SLC14A2: variants seen among roughly 807,000 people sequenced by gnomAD.
SLC14A2 encodes the protein urea transporter 2.
SLC14A2 carries 91 observed loss-of-function variants against 104.6 expected under a neutral mutation model. The observed-to-expected ratio is 0.87, with a 90% CI of 0.73 to 1.04. SLC14A2 has a LOEUF of 1.04. Ranked by LOEUF, SLC14A2 falls within the 50% of genes least tolerant of loss-of-function variation. The probability of loss-of-function intolerance (pLI) is 0.00; values close to 1 mark genes in which losing one functional copy is unlikely to be tolerated. For missense variants in SLC14A2, 1,189 were observed against 1,156.0 expected (o/e 1.03, Z -0.41); for synonymous variants, 476 against 466.4 (o/e 1.02, Z -0.27).
upstream of SLC14A2, among the ~76,000 whole-genome samples, chr18:45,208,965 G>A (rs1435485892): frequency 1.3e-5 from 2 of 150,484 alleles, no homozygotes; most frequent in Non-Finnish European, 3.0e-5. Flanking sequence ...GAATCATTTT[G>A]AGATGTATGA....
upstream of SLC14A2, among the ~76,000 whole-genome samples, chr18:45,612,154 A>G (rs569182604): frequency 1.3e-5 from 2 of 152,360 alleles, no homozygotes; most frequent in South Asian, 4.1e-4. Context: ...GCTCTCAAGC[A>G]GTTGCTGCTG....
intron 2 of SLC14A2, among the ~76,000 whole-genome samples, chr18:45,584,558 A>T (rs2044541346): frequency 6.6e-6 from 1 of 152,226 alleles, no homozygotes; most frequent in Non-Finnish European, 1.5e-5. Flanking sequence ...TTCAGAAGCT[A>T]AATATGAATG....
chr18:45,584,936 A>G (rs1035963816), intron 2 of SLC14A2, among the ~76,000 whole-genome samples: 1 of 152,234 alleles, frequency 6.6e-6, no homozygotes, highest in Non-Finnish European at 1.5e-5. Context: ...ATAGGAAAAC[A>G]TGAGTTCTTT....
intron 1 of SLC14A2, among the ~76,000 whole-genome samples, chr18:45,321,130 A>C (rs778210854): frequency 6.6e-6 from 1 of 152,218 alleles, no homozygotes; most frequent in Non-Finnish European, 1.5e-5. Flanking sequence ...GATCGACTGC[A>C]TCCCAATCAT....
In SLC14A2 at chr18:45,661,109, G is replaced by A. The variant is rs73956507; in HGVS notation, c.1352-2676G>A. ...TAGCACAGAATCTGGGCTGCTAACT[G>A]TGAAGAATCAGGGAGTGGAGGCTGA... On this transcript the variant is annotated intron_variant, in intron 10 of 19. Transcript: ENST00000255226. 3.6e-3 allele frequency among the ~76,000 whole-genome samples: 541 copies of A among 152,294 alleles called. 3 individuals are homozygous for A. Among genetic ancestry groups the A allele is most frequent in the African/African-American group, 0.013 (526 of 41,544 alleles).
At chr18:45,213,108 A>G (rs1406237471) in exon 1 of SLC14A2, 1 of 152,174 alleles carries the variant, frequency 6.6e-6, no homozygotes, top group Non-Finnish European at 1.5e-5. Flanking sequence ...AACATATCTC[A>G]TTGAAGTATT....
intron 1 of SLC14A2, among the ~76,000 whole-genome samples, chr18:45,242,311 C>T (rs1380055942): frequency 2.0e-5 from 3 of 152,132 alleles, no homozygotes; most frequent in Non-Finnish European, 2.9e-5. Flanking sequence ...GTAACTTATG[C>T]ACCTCAAATG....
At chr18:45,281,536 A>G (rs1047311725) in intron 1 of SLC14A2, among the ~76,000 whole-genome samples, 8 of 152,240 alleles carry the variant, frequency 5.3e-5, no homozygotes, top group African/African-American at 1.4e-4. Context: ...TTGTTTCTTC[A>G]GGCTCTTTCC....
chr18:45,506,596 G>T (rs930152643), intron 2 of SLC14A2, among the ~76,000 whole-genome samples: 11 of 152,320 alleles, frequency 7.2e-5, no homozygotes, highest in Admixed American at 5.9e-4. Flanking sequence ...GGCATGTGAA[G>T]ACAGGCAGAA....
intron 2 of SLC14A2, among the ~76,000 whole-genome samples, chr18:45,561,374 G>A (rs1243517821): frequency 1.3e-5 from 2 of 152,180 alleles, no homozygotes; most frequent in Non-Finnish European, 1.5e-5. Context: ...CTCTGCAAGA[G>A]AGTGACAGCA....
chr18:45,534,006 A>G (rs1304480665), intron 2 of SLC14A2, among the ~76,000 whole-genome samples: 4 of 152,216 alleles, frequency 2.6e-5, no homozygotes, highest in Non-Finnish European at 5.9e-5. Flanking sequence ...CAAACAAACA[A>G]ACAAAAAACC....
chr18:45,551,272 G>A (rs943087912), intron 2 of SLC14A2, among the ~76,000 whole-genome samples: 1 of 152,118 alleles, frequency 6.6e-6, no homozygotes, highest in African/African-American at 2.4e-5. Flanking sequence ...GGAACTGGGC[G>A]GTGTGATGGC....
chr18:45,301,606 G>C (rs1163236016), intron 1 of SLC14A2, among the ~76,000 whole-genome samples: 1 of 152,200 alleles, frequency 6.6e-6, no homozygotes, highest in Non-Finnish European at 1.5e-5. Flanking sequence ...ATTTGGCTTA[G>C]AGAATTTGTG....
rs148492694 is a variant in SLC14A2 at position 45,641,283 on chromosome 18, G to A, written c.1066G>A (p.Ala356Thr). Residue 356 changes from alanine to threonine, a missense_variant, in exon 8 of 20, where the codon GCC becomes ACC. Coordinates refer to ENST00000255226, the MANE Select transcript of SLC14A2 (RefSeq NM_007163.4). ...CTACAACTGCGTCCTCTCCTGCATC[G>A]CCATCGGAGGCATGTTCTATGCCCT... ...WSYNCVLSCIAIGGMFYALTW... is the reference protein window; with the variant it reads ...WSYNCVLSCITIGGMFYALTW... 46 of 1,613,986 alleles carry A rather than the reference G, an allele frequency of 2.9e-5. No individual in the cohort carries two copies. The highest frequency in any genetic ancestry group is 3.8e-5 in the Non-Finnish European group (45 of 1,180,018).
At chr18:45,648,195 C>CTTTTTTT (rs59843067) in intron 10 of SLC14A2, among the ~76,000 whole-genome samples, 8 of 101,244 alleles carry the variant, frequency 7.9e-5, no homozygotes, top group African/African-American at 1.5e-4. Context: ...CTAGTTAATG[C>CTTTTTTT]TTTTTTTTTT....
chr18:45,229,540 T>C (rs2084154131), intron 1 of SLC14A2, among the ~76,000 whole-genome samples: 1 of 152,182 alleles, frequency 6.6e-6, no homozygotes, highest in Admixed American at 6.5e-5. Flanking sequence ...AAACCTACTA[T>C]AGCTTCCATC....
chr18:45,652,020 C>A (rs2045747455), intron 10 of SLC14A2, among the ~76,000 whole-genome samples: 1 of 152,214 alleles, frequency 6.6e-6, no homozygotes, highest in Non-Finnish European at 1.5e-5. Context: ...GTCTTCGCAG[C>A]CTGAGTTTGT....
intron 1 of SLC14A2, among the ~76,000 whole-genome samples, chr18:45,247,683 T>TAGA (rs1161586779): frequency 1.3e-5 from 2 of 151,640 alleles, no homozygotes; most frequent in Non-Finnish European, 2.9e-5. Flanking sequence ...ATCAGTTGGT[T>TAGA]ATTCTGTTAA....
At position 45,237,774 on chromosome 18, in the gene SLC14A2, G is replaced by A. The variant is rs78415408; in HGVS notation, c.-125+24583G>A. On this transcript the variant is annotated intron_variant, in intron 1 of 20. Coordinates refer to the SLC14A2 transcript ENST00000586448. ...TTCTCCTTCTCCAGAGCCTTCCTGA[G>A]AGGCTGACAGTAAGACCAGGGGCAC... Among the ~76,000 whole-genome samples, 589 of 152,310 alleles carry A rather than the reference G, an allele frequency of 3.9e-3. 4 individuals are homozygous for A. The highest frequency in any genetic ancestry group is 0.014 in the African/African-American group (563 of 41,560).
Sources: gnomAD v4.1 joint callset for allele counts (sites outside exome capture counted in the v4.1 genomes callset) on GRCh38, gnomAD v4.1.1 for gene constraint, MANE v1.5 for transcripts, NCBI Gene and HGNC (gene_info 2026-07-23, HGNC 2026-07-21) for gene names.